ZBTB17: variants seen among roughly 807,000 people sequenced by gnomAD.
ZBTB17 encodes zinc finger and BTB domain containing 17, also known as zinc finger and BTB domain-containing protein 17.
ZBTB17 carries 24 observed loss-of-function variants against 85.1 expected under a neutral mutation model. That is an observed-to-expected ratio of 0.28 (90% confidence interval 0.20 to 0.40). The LOEUF (loss-of-function observed/expected upper bound fraction) is 0.40, where lower values mean the gene tolerates loss of function less well. Among genes scored for constraint, ZBTB17 ranks in the 10% least tolerant of loss-of-function variants. The pLI, the probability that ZBTB17 is intolerant of heterozygous loss-of-function variation, is 1.00. For synonymous variants in ZBTB17, 464 were observed against 460.2 expected (o/e 1.01, Z -0.11); for missense variants, 743 against 1,105.1 (o/e 0.67, Z 4.65).
chr1:15,963,757 T>C (rs533435123), intron 2 of ZBTB17, among the ~76,000 whole-genome samples: 12 of 151,868 alleles, frequency 7.9e-5, no homozygotes, highest in Non-Finnish European at 1.6e-4. Flanking sequence ...ACAATGAAAG[T>C]AGTATATATA....
At chr1:15,972,045 G>A (rs138384865) in intron 2 of ZBTB17, among the ~76,000 whole-genome samples, 32 of 152,172 alleles carry the variant, frequency 2.1e-4, no homozygotes, top group African/African-American at 6.3e-4. Context: ...CAAAATGCGC[G>A]GTTTGCAACA....
At chr1:15,947,792 G>T (rs893695176) in intron 3 of ZBTB17, among the ~76,000 whole-genome samples, 5 of 152,162 alleles carry the variant, frequency 3.3e-5, no homozygotes, top group African/African-American at 1.2e-4. Context: ...CTATAAAATG[G>T]GAGAATAATA....
Position 15,945,653 on chromosome 1 carries a change from G to A in ZBTB17, c.661+62C>T, listed in dbSNP as rs545791405. 8.2e-6 allele frequency: 13 copies of A among 1,592,566 alleles called. No individual in the cohort carries two copies. The African/African-American group carries it at 1.3e-4, about 16-fold the overall frequency. ...GAGGAGAGGGAGGCCCCAGTGCGCAGTGGAGGCAGGGCCCTGGGAGGATGC... is the reference window on the plus strand; with the variant it reads ...GAGGAGAGGGAGGCCCCAGTGCGCAATGGAGGCAGGGCCCTGGGAGGATGC... On this transcript the variant is annotated intron_variant, in intron 6 of 15. Coordinates refer to ENST00000375743, the MANE Select transcript of ZBTB17 (RefSeq NM_003443.3).
At chr1:15,959,315 A>G (rs1472862258) in intron 2 of ZBTB17, among the ~76,000 whole-genome samples, 1 of 152,198 alleles carries the variant, frequency 6.6e-6, no homozygotes, top group Non-Finnish European at 1.5e-5. Context: ...ACATTTCTGT[A>G]GGGTATACAC....
intron 2 of ZBTB17, among the ~76,000 whole-genome samples, chr1:15,972,247 G>C (rs2072715460): frequency 6.6e-6 from 1 of 152,178 alleles, no homozygotes; most frequent in African/African-American, 2.4e-5. Flanking sequence ...ACACATGTTG[G>C]GCACAGAAAC....
chr1:15,962,334 C>A (rs1570180408), intron 2 of ZBTB17, among the ~76,000 whole-genome samples: 1 of 152,196 alleles, frequency 6.6e-6, no homozygotes. Context: ...TCTGCTGAGA[C>A]TCCAGAGGAG....
intron 1 of ZBTB17, among the ~76,000 whole-genome samples, chr1:15,975,720 C>T (rs981863099): frequency 6.6e-5 from 10 of 152,260 alleles, no homozygotes; most frequent in Non-Finnish European, 1.0e-4. Context: ...GGGTGTCATC[C>T]AGCCCGGGAG....
intron 4 of ZBTB17, among the ~76,000 whole-genome samples, chr1:15,946,498 G>C (rs1212484085): frequency 6.6e-6 from 1 of 152,254 alleles, no homozygotes; most frequent in Non-Finnish European, 1.5e-5. Context: ...GAATACAACA[G>C]TGATGGTTCC....
chr1:15,943,795 G>T lies in ZBTB17; in HGVS notation c.1459+13C>A. 2 of 1,612,420 alleles carry T rather than the reference G, an allele frequency of 1.2e-6. No homozygotes were observed. The highest frequency in any genetic ancestry group is 1.1e-5 in the South Asian group (1 of 90,924). On this transcript the variant is annotated intron_variant, in intron 10 of 15. Coordinates refer to ENST00000375743, the MANE Select transcript of ZBTB17 (RefSeq NM_003443.3). ...CAGGGGTGTGAGGGCAGCCAGGGCA[G>T]CCCTGGCCCTACCTGAGGTGGTGAA...
chr1:15,961,434 C>T (rs1242785233), intron 2 of ZBTB17, among the ~76,000 whole-genome samples: 4 of 152,164 alleles, frequency 2.6e-5, no homozygotes, highest in African/African-American at 4.8e-5. Flanking sequence ...AAAAACTAAA[C>T]GAGTAAGAAT....
At chr1:15,974,231 C>A (rs1404481661) in intron 1 of ZBTB17, among the ~76,000 whole-genome samples, 1 of 149,544 alleles carries the variant, frequency 6.7e-6, no homozygotes, top group Admixed American at 6.7e-5. Context: ...AAACCTGATT[C>A]TTTTATTTCA....
rs569011090 is a variant in ZBTB17, at chr1:15,975,631, C to T, written c.-90+352G>A. 3.0e-3 allele frequency among the ~76,000 whole-genome samples: 451 copies of T among 152,202 alleles called. 1 individual carries two copies. Among genetic ancestry groups the T allele is most frequent in the Admixed American group, 5.4e-3 (82 of 15,308 alleles). ...CCGGCACTGCGCTCCCTCGCGGCCG[C>T]AGAACGCCCACCCTCGACAGCGCGC... On this transcript the variant is annotated intron_variant, in intron 1 of 15. Transcript: ENST00000375743.
chr1:15,974,226 T>C (rs1454572501), intron 1 of ZBTB17, among the ~76,000 whole-genome samples: 3 of 149,094 alleles, frequency 2.0e-5, no homozygotes, highest in African/African-American at 2.4e-5. Context: ...AAAAAAAACC[T>C]GATTCTTTTA....
intron 4 of ZBTB17, 171 bp from the exon 5 acceptor site, chr1:15,946,465 C>A: frequency 1.0e-6 from 1 of 1,004,650 alleles, no homozygotes. Flanking sequence ...CCACTCCATG[C>A]CAGGCTGATG....
intron 2 of ZBTB17, among the ~76,000 whole-genome samples, chr1:15,969,127 C>T (rs2072548960): frequency 6.6e-6 from 1 of 152,188 alleles, no homozygotes; most frequent in Admixed American, 6.5e-5. Flanking sequence ...CTCACAGGAG[C>T]TCAATCCCTA....
chr1:15,945,356 C>T (rs942821913), intron 6 of ZBTB17, among the ~76,000 whole-genome samples, 154 bp from the exon 7 acceptor site: 2 of 152,160 alleles, frequency 1.3e-5, no homozygotes, highest in Non-Finnish European at 2.9e-5. Context: ...TTGCTGCTTG[C>T]GGGATGCAGG....
chr1:15,960,225 TGCACAATCTCTGCAG>T (rs924975491), intron 2 of ZBTB17, among the ~76,000 whole-genome samples: 1 of 152,218 alleles, frequency 6.6e-6, no homozygotes, highest in African/African-American at 2.4e-5. Context: ...CACTTAACTC[TGCACAATCTCTGCAG>T]GCACAATCTC....
intron 9 of ZBTB17, 88 bp from the exon 10 acceptor site, chr1:15,943,983 C>T: frequency 7.6e-7 from 1 of 1,323,368 alleles, no homozygotes; most frequent in Non-Finnish European, 1.1e-6. Context: ...GAACAATTGA[C>T]TCTCAGGCTT....
Position 15,946,252 on chromosome 1 carries a change from G to C in ZBTB17, c.437C>G (p.Thr146Arg). ...TCCTGCCTGCTCCAGCCTGCTCAGC[G>C]TGCTGGTGGCCACCTTCTCCTCTTT... ...RAKEEKVATS[T>R]LSRLEQAGRS... Residue 146 changes from threonine to arginine, a missense_variant, in exon 5 of 16, where the codon ACG becomes AGG. Coordinates refer to ENST00000375743, the MANE Select transcript of ZBTB17 (RefSeq NM_003443.3). The C allele has an allele frequency of 6.2e-7, 1 of 1,613,944 alleles. No homozygotes were observed. The highest frequency in any genetic ancestry group is 8.5e-7 in the Non-Finnish European group (1 of 1,179,984).
Sources: allele counts gnomAD v4.1 joint callset (sites outside exome capture counted in the v4.1 genomes callset), GRCh38; gene constraint gnomAD v4.1.1; transcripts MANE v1.5; gene names NCBI Gene and HGNC (gene_info 2026-07-23, HGNC 2026-07-21).